DPP10: variants seen among roughly 807,000 people sequenced by gnomAD.
DPP10 encodes inactive dipeptidyl peptidase 10.
In DPP10, 33 loss-of-function variants were observed where a neutral mutation model predicts 120.9. That is an observed-to-expected ratio of 0.27 (90% CI 0.21 to 0.37). The LOEUF (loss-of-function observed/expected upper bound fraction) is 0.37, where lower values mean the gene tolerates loss of function less well. Ranked by LOEUF, DPP10 falls within the 10% of genes least tolerant of loss-of-function variation. The probability of loss-of-function intolerance (pLI) is 1.00; values close to 1 mark genes in which losing one functional copy is unlikely to be tolerated. For missense variants in DPP10, 816 were observed against 942.8 expected (o/e 0.87, Z 1.76); for synonymous variants, 337 against 326.1 (o/e 1.03, Z -0.36).
intron 1 of DPP10, among the ~76,000 whole-genome samples, chr2:115,165,656 A>G (rs2052777920): frequency 6.6e-6 from 1 of 152,134 alleles, no homozygotes; most frequent in Non-Finnish European, 1.5e-5. Context: ...TTAAATGAGT[A>G]TATATATATT....
At position 115,843,392 on chromosome 2, in the gene DPP10, C is replaced by G. The variant is rs926926053; in HGVS notation, c.*1047C>G. ...AAGGCTTTTTTCAAAACTCTTGGTC[C>G]TTTTACTTCTTTCTCTCAGTGCAGA... On this transcript the variant is annotated 3_prime_UTR_variant, in exon 26 of 26. Transcript: ENST00000410059. The G allele has an allele frequency of 6.6e-6, 1 of 152,490 alleles. No individual in the cohort carries two copies. Among genetic ancestry groups the G allele is most frequent in the African/African-American group, 2.4e-5 (1 of 41,410 alleles). 9.4% of individuals were successfully genotyped at this position (152,490 alleles called of 1,614,324 possible). A position where few individuals can be genotyped will look rare whatever the true frequency, so the allele number is the denominator to read the frequency against.
rs529577318 is a variant in DPP10 at position 114,679,811 on chromosome 2, A to T, written c.60+236973A>T. Among the ~76,000 whole-genome samples the T allele has an allele frequency of 2.0e-5, 3 of 152,086 alleles. No homozygotes were observed. The South Asian group carries it at 6.2e-4, about 31-fold the overall frequency. The stretch of plus-strand genomic sequence containing the variant: ...TTCAAACTAATATTATACAGTCTTA[A>T]AATTTTTAAGAATTGAGATGGCAAA... On this transcript the variant is annotated intron_variant, in intron 1 of 25. Transcript: ENST00000410059.
intron 1 of DPP10, among the ~76,000 whole-genome samples, chr2:114,790,892 C>G (rs13383177): frequency 1.5e-3 from 221 of 152,188 alleles, no homozygotes; most frequent in African/African-American, 5.0e-3. Context: ...ACAGGGGATG[C>G]GATGGCTTGG....
intron 3 of DPP10, among the ~76,000 whole-genome samples, chr2:115,433,459 G>T (rs995174701): frequency 6.6e-6 from 1 of 151,972 alleles, no homozygotes; most frequent in Admixed American, 6.6e-5. Flanking sequence ...ATGTACATGT[G>T]TGTGTGTGCA....
chr2:115,002,680 C>A (rs1251767359), intron 1 of DPP10, among the ~76,000 whole-genome samples: 2 of 151,772 alleles, frequency 1.3e-5, no homozygotes, highest in Non-Finnish European at 2.9e-5. Flanking sequence ...AAAAAATAAC[C>A]CCACTAATAA....
intron 5 of DPP10, among the ~76,000 whole-genome samples, chr2:115,599,933 G>A (rs12993265): frequency 0.42 from 63,319 of 151,756 alleles, 16,085 homozygotes; most frequent in Non-Finnish European, 0.58. Context: ...TGGTCCCAGT[G>A]GTCAACCAGG....
intron 1 of DPP10, among the ~76,000 whole-genome samples, chr2:114,937,016 G>T (rs1158692572): frequency 6.6e-6 from 1 of 152,138 alleles, no homozygotes; most frequent in African/African-American, 2.4e-5. Context: ...TGTATAGATT[G>T]TGAAGATTTT....
intron 1 of DPP10, among the ~76,000 whole-genome samples, chr2:115,079,106 C>T (rs1203396236): frequency 1.3e-5 from 2 of 152,180 alleles, no homozygotes; most frequent in African/African-American, 4.8e-5. Flanking sequence ...CTCGGCCGGG[C>T]GCGGTGGCTC....
intron 1 of DPP10, among the ~76,000 whole-genome samples, chr2:115,094,256 T>C (rs1709531092): frequency 6.6e-6 from 1 of 152,176 alleles, no homozygotes; most frequent in Non-Finnish European, 1.5e-5. Flanking sequence ...GGTAGAAATA[T>C]GACAGCAGCT....
At chr2:115,340,030 T>C (rs2063366898) in intron 2 of DPP10, among the ~76,000 whole-genome samples, 1 of 152,224 alleles carries the variant, frequency 6.6e-6, no homozygotes, top group Non-Finnish European at 1.5e-5. Context: ...TTACTTGTCA[T>C]TGAGAGAAAC....
chr2:115,510,056 T>C (rs1350914031), intron 4 of DPP10, among the ~76,000 whole-genome samples: 2 of 152,200 alleles, frequency 1.3e-5, no homozygotes, highest in Non-Finnish European at 2.9e-5. Context: ...TGAGCTCTTT[T>C]CAATTGCTGA....
At chr2:115,024,771 T>TTATA (rs1407747856) in intron 1 of DPP10, among the ~76,000 whole-genome samples, 1 of 147,986 alleles carries the variant, frequency 6.8e-6, no homozygotes, top group Non-Finnish European at 1.5e-5. Context: ...TATGTATTTG[T>TTATA]TATATATATA....
chr2:114,446,262 C>G (rs1238523159), intron 1 of DPP10, among the ~76,000 whole-genome samples: 3 of 152,170 alleles, frequency 2.0e-5, no homozygotes, highest in Non-Finnish European at 1.5e-5. Context: ...AGTGGAATTG[C>G]AAACTTAGAA....
chr2:115,078,401 T>A (rs1707969195), intron 1 of DPP10, among the ~76,000 whole-genome samples: 1 of 152,206 alleles, frequency 6.6e-6, no homozygotes, highest in Admixed American at 6.5e-5. Context: ...AGACTAATTT[T>A]GTAAAACTGT....
intron 1 of DPP10, among the ~76,000 whole-genome samples, chr2:115,019,692 T>C (rs571075891): frequency 6.6e-6 from 1 of 152,256 alleles, no homozygotes; most frequent in Middle Eastern, 3.4e-3. Context: ...TGCAAAAAGA[T>C]CATCACCTAG....
chr2:115,527,627 A>G (rs998927846), intron 5 of DPP10, among the ~76,000 whole-genome samples: 1 of 152,158 alleles, frequency 6.6e-6, no homozygotes, highest in Non-Finnish European at 1.5e-5. Context: ...ACATTCATAT[A>G]TAAAGAATTC....
At chr2:115,038,253 T>A (rs540773293) in intron 1 of DPP10, among the ~76,000 whole-genome samples, 2 of 149,474 alleles carry the variant, frequency 1.3e-5, no homozygotes, top group South Asian at 4.2e-4. Context: ...TTTATTTATT[T>A]ATTATTTTAT....
At chr2:115,447,177 C>T (rs984807979) in intron 3 of DPP10, among the ~76,000 whole-genome samples, 8 of 152,134 alleles carry the variant, frequency 5.3e-5, no homozygotes, top group African/African-American at 9.7e-5. Flanking sequence ...TAATGACTGC[C>T]CCCACTGGAT....
At chr2:114,650,242 T>C (rs1256340460) in intron 1 of DPP10, among the ~76,000 whole-genome samples, 1 of 152,112 alleles carries the variant, frequency 6.6e-6, no homozygotes, top group African/African-American at 2.4e-5. Context: ...TTTTGGGAGA[T>C]AGAATGTGGT....
Sources: gnomAD v4.1 joint callset for allele counts (sites outside exome capture counted in the v4.1 genomes callset) on GRCh38, gnomAD v4.1.1 for gene constraint, MANE v1.5 for transcripts, NCBI Gene and HGNC (gene_info 2026-07-23, HGNC 2026-07-21) for gene names.